Variants in STK3 observed in about 807,000 individuals in gnomAD.
The protein encoded by STK3 is serine/threonine kinase 3.
In STK3, 41 loss-of-function variants were observed where a neutral mutation model predicts 58.0. The observed-to-expected ratio is 0.71, with a 90% CI of 0.55 to 0.92. STK3 has a LOEUF of 0.92. Ranked by LOEUF, STK3 falls within the 40% of genes least tolerant of loss-of-function variation. The pLI is 0.00. For synonymous variants in STK3, 170 were observed against 191.0 expected (o/e 0.89, Z 0.91); for missense variants, 479 against 602.7 (o/e 0.79, Z 2.15).
intron 1 of STK3, among the ~76,000 whole-genome samples, chr8:98,909,112 G>A (rs576470582): frequency 1.4e-3 from 211 of 152,204 alleles, no homozygotes; most frequent in African/African-American, 4.7e-3. Context: ...AGTGAGCTGA[G>A]ATCACGCCAC....
rs35961541 is a variant in STK3, at chr8:98,795,337, TAA to T, written c.27-20520_27-20519del. Among the ~76,000 whole-genome samples the T allele has an allele frequency of 5.6e-3, 661 of 117,462 alleles. 2 individuals carry two copies. Among genetic ancestry groups the T allele is most frequent in the African/African-American group, 0.015 (470 of 31,562 alleles). 77.1% of individuals were successfully genotyped at this position (117,462 alleles called of 152,430 possible). On this transcript the variant is annotated intron_variant, in intron 1 of 10. Transcript: ENST00000419617. ...AATAAAATCCAACATCCCTTCATGA[TAA>T]AAAAAAAAAAAAAAAACCTCTTGAA... is the stretch of plus-strand genomic sequence containing the variant.
At chr8:98,468,062 C>T (rs967296696) in intron 10 of STK3, among the ~76,000 whole-genome samples, 4 of 152,146 alleles carry the variant, frequency 2.6e-5, no homozygotes, top group South Asian at 2.1e-4. Flanking sequence ...AGTGAAGCAA[C>T]ATCTAGAAAT....
rs570169512 is a variant in STK3, at chr8:98,784,320, A to T, written c.27-9501T>A. On this transcript the variant is annotated intron_variant, in intron 1 of 10. Coordinates refer to ENST00000419617, the MANE Select transcript of STK3 (RefSeq NM_006281.4). ...ACACTGTAGTTAGTGCCTCAGCAGT[A>T]GGTGCTGGGATTGTGCTCTCCTCCA... Among the ~76,000 whole-genome samples, 5 of 152,344 alleles carry T rather than the reference A, an allele frequency of 3.3e-5. No homozygotes were observed. In the South Asian group the frequency reaches 1.0e-3, roughly 32 times the overall value.
intron 8 of STK3, among the ~76,000 whole-genome samples, chr8:98,549,367 G>A (rs74327191): frequency 6.6e-6 from 1 of 152,100 alleles, no homozygotes; most frequent in African/African-American, 2.4e-5. Flanking sequence ...CTGATGTTGA[G>A]CAATCTTTTC....
At chr8:98,603,539 T>G (rs1040236426) in intron 6 of STK3, among the ~76,000 whole-genome samples, 1 of 152,164 alleles carries the variant, frequency 6.6e-6, no homozygotes, top group African/African-American at 2.4e-5. Context: ...ACCTGGCCTA[T>G]GACAATATTT....
intron 10 of STK3, among the ~76,000 whole-genome samples, chr8:98,523,081 T>C (rs769447644): frequency 1.3e-5 from 2 of 152,218 alleles, no homozygotes; most frequent in Non-Finnish European, 2.9e-5. Flanking sequence ...CTGGATTATA[T>C]GATAATGCTA....
At chr8:98,662,741 T>C (rs992519425) in intron 6 of STK3, among the ~76,000 whole-genome samples, 2 of 152,030 alleles carry the variant, frequency 1.3e-5, no homozygotes, top group Non-Finnish European at 2.9e-5. Flanking sequence ...TTGTTACATA[T>C]GTATACATGT....
At chr8:98,887,130 C>T (rs193014124) in intron 1 of STK3, among the ~76,000 whole-genome samples, 1 of 152,162 alleles carries the variant, frequency 6.6e-6, no homozygotes, top group Admixed American at 6.5e-5. Context: ...CATTTGGTTA[C>T]TTATAATACC....
Position 98,504,568 on chromosome 8 carries a change from C to G in STK3, c.1317+22174G>C, listed in dbSNP as rs560597209. Among the ~76,000 whole-genome samples, 5 of 152,204 alleles carry G rather than the reference C, an allele frequency of 3.3e-5. No individual in the cohort carries two copies. In the South Asian group the frequency reaches 1.0e-3, roughly 32 times the overall value. On this transcript the variant is annotated intron_variant, in intron 10 of 10. Coordinates refer to ENST00000419617, the MANE Select transcript of STK3 (RefSeq NM_006281.4). ...ATGTTTAGTGCTTTCTTTAGGAGCT[C>G]TTGTAAGGCAGGCCTGGTGGTGACA...
At chr8:98,701,680 TCACA>T (rs936023354) in intron 6 of STK3, among the ~76,000 whole-genome samples, 2 of 147,032 alleles carry the variant, frequency 1.4e-5, no homozygotes, top group South Asian at 4.3e-4. Context: ...ACACACACAC[TCACA>T]CACACACACT....
At position 98,599,446 on chromosome 8, in the gene STK3, G is replaced by GT. The variant is rs1015206741; in HGVS notation, c.685-3278dup. Among the ~76,000 whole-genome samples, 534 of 147,910 alleles carry GT rather than the reference G, an allele frequency of 3.6e-3. 1 individual carries two copies. The highest frequency in any genetic ancestry group is 3.4e-3 in the Middle Eastern group (1 of 292). On this transcript the variant is annotated intron_variant, in intron 6 of 10. Transcript: ENST00000419617. ...GACTGTGTGGCTTTAGTATCATTTT[G>GT]TTTTTTTTTTCCAAGTAAGGAGGTT...
At chr8:98,883,328 G>A (rs1837866714), downstream of STK3, 2 of 212,074 alleles carry the variant, frequency 9.4e-6, no homozygotes, top group African/African-American at 2.3e-5. Flanking sequence ...ACCCAACAAT[G>A]TACATTCATT....
chr8:98,463,273 T>A (rs2131179019), intron 10 of STK3, among the ~76,000 whole-genome samples: 1 of 152,254 alleles, frequency 6.6e-6, no homozygotes, highest in Non-Finnish European at 1.5e-5. Context: ...GGTACATGAG[T>A]GACAGCTTAA....
chr8:98,345,368 T>C, the STK3 span, among the ~76,000 whole-genome samples: 1 of 152,034 alleles, frequency 6.6e-6, no homozygotes, highest in East Asian at 1.9e-4. Flanking sequence ...CAGGTAACTA[T>C]TGAGTGCTTT....
intron 1 of STK3, among the ~76,000 whole-genome samples, chr8:98,895,721 T>A (rs536409459): frequency 1.3e-5 from 2 of 152,254 alleles, no homozygotes; most frequent in South Asian, 4.1e-4. Context: ...GGGTCCTTGA[T>A]GATCACTTAG....
At chr8:98,777,736 A>C (rs1290775789) in intron 1 of STK3, among the ~76,000 whole-genome samples, 1 of 152,188 alleles carries the variant, frequency 6.6e-6, no homozygotes, top group African/African-American at 2.4e-5. Flanking sequence ...GAGGCAGACG[A>C]TTCTCGAGGA....
intron 4 of STK3, among the ~76,000 whole-genome samples, chr8:98,747,178 G>A (rs1488839184): frequency 1.4e-5 from 2 of 144,044 alleles, no homozygotes; most frequent in Non-Finnish European, 3.0e-5. Flanking sequence ...GAGAAACACA[G>A]AAAGAAATAA....
At chr8:98,757,131 T>C (rs558788872) in intron 3 of STK3, among the ~76,000 whole-genome samples, 7 of 152,014 alleles carry the variant, frequency 4.6e-5, no homozygotes, top group Admixed American at 1.3e-4. Context: ...ATCTTTTCCA[T>C]AGCAATAGTC....
intron 3 of STK3, among the ~76,000 whole-genome samples, chr8:98,874,565 ATATATC>A (rs1017052590): frequency 1.3e-5 from 2 of 152,094 alleles, no homozygotes; most frequent in African/African-American, 4.8e-5. Context: ...CCCATGTTTT[ATATATC>A]TATATCTATC....
Sources: allele counts gnomAD v4.1 joint callset (sites outside exome capture counted in the v4.1 genomes callset), GRCh38; gene constraint gnomAD v4.1.1; transcripts MANE v1.5; gene names NCBI Gene and HGNC (gene_info 2026-07-23, HGNC 2026-07-21).